The following USP29 variants were observed in gnomAD, a reference collection of about 807,000 sequenced individuals.
USP29 encodes the protein ubiquitin specific peptidase 29, also known as ubiquitin carboxyl-terminal hydrolase 29.
For synonymous variants in USP29, 386 were observed against 387.4 expected (o/e 1.00, Z 0.04); for missense variants, 1,102 against 1,069.0 (o/e 1.03, Z -0.43).
rs890955767 is a variant in USP29 at position 57,129,687 on chromosome 19, T to C, written c.1012T>C (p.Leu338=). 2 of 1,613,976 alleles carry C rather than the reference T, an allele frequency of 1.2e-6. No homozygotes were observed. Among genetic ancestry groups the C allele is most frequent in the African/African-American group, 2.7e-5 (2 of 74,922 alleles). ...TATGACCTTGACCCAGCTGCTTGCTTTGAAAGATTTCTGTAGTACAAAGAT... is the reference window on the plus strand; with the variant it reads ...TATGACCTTGACCCAGCTGCTTGCTCTGAAAGATTTCTGTAGTACAAAGAT... ...LIMTLTQLLA[L]KDFCSTKIKR... Residue 338 remains leucine (L), a synonymous_variant, in exon 4 of 4, where the codon TTG becomes CTG. Transcript: ENST00000254181.
rs773000243 is a variant in USP29, at chr19:57,130,557, C to T, written c.1882C>T (p.Leu628=). The change falls in exon 4 of 4, where the codon CTA becomes TTA. Residue 628 remains leucine (L), a synonymous_variant. Coordinates refer to ENST00000254181, the MANE Select transcript of USP29 (RefSeq NM_020903.3). ...GAGAGACCTGGAAAATGGCTCTGCA[C>T]TAGAGTCAGAATTGGTCCACTTTAG... ...HQRDLENGSA[L]ESELVHFRDR... is the part of the protein sequence containing the mutation. 6.9e-5 allele frequency: 111 copies of T among 1,614,028 alleles called. No individual in the cohort carries two copies. The highest frequency in any genetic ancestry group is 8.6e-5 in the Non-Finnish European group (102 of 1,180,038).
chr19:57,122,242 G>C (rs112129113), intron 1 of USP29, 83 bp from the exon 2 acceptor site: 1 of 152,034 alleles, frequency 6.6e-6, no homozygotes, highest in Non-Finnish European at 1.5e-5. Context: ...GGAAAAACCC[G>C]TGATATGGGT....
intron 3 of USP29, among the ~76,000 whole-genome samples, chr19:57,127,312 A>G (rs2086828843): frequency 6.6e-6 from 1 of 152,206 alleles, no homozygotes; most frequent in Non-Finnish European, 1.5e-5. Flanking sequence ...AATCCCTCTT[A>G]TCAGGATCAG....
chr19:57,127,695 G>T (rs1436698841), intron 3 of USP29, among the ~76,000 whole-genome samples: 1 of 152,182 alleles, frequency 6.6e-6, no homozygotes, highest in Non-Finnish European at 1.5e-5. Context: ...TCAAGCCAGT[G>T]GTTCTTAGCT....
chr19:57,126,738 C>T (rs1367153444), intron 3 of USP29, among the ~76,000 whole-genome samples: 1 of 152,014 alleles, frequency 6.6e-6, no homozygotes, highest in Admixed American at 6.6e-5. Context: ...TGTTATTACC[C>T]ACCTTCTGAA....
At position 57,131,380 on chromosome 19, in the gene USP29, GCA is replaced by G; in HGVS notation, c.2710_2711del (p.Gln904GlyfsTer12). ...AAAGCAGAGAACTCTCGGCTACCTAGCACACAGGCAGGGGTGATCCCTCAGGG... is the reference window on the plus strand; with the variant it reads ...AAAGCAGAGAACTCTCGGCTACCTAGCACAGGCAGGGGTGATCCCTCAGGG... On this transcript the variant is annotated frameshift_variant, in exon 4 of 4. Transcript: ENST00000254181. LOFTEE classifies it low-confidence loss of function (END_TRUNC). The G allele has an allele frequency of 6.2e-7, 1 of 1,614,140 alleles. No homozygotes were observed. The highest frequency in any genetic ancestry group is 8.5e-7 in the Non-Finnish European group (1 of 1,180,030).
At chr19:57,124,470 T>A (rs993757170) in intron 3 of USP29, among the ~76,000 whole-genome samples, 1 of 19,600 alleles carries the variant, frequency 5.1e-5, no homozygotes. Context: ...TTGTGGGGTT[T>A]TTTTTTTGGT....
At chr19:57,121,671 C>T (rs1428266347) in intron 1 of USP29, among the ~76,000 whole-genome samples, 1 of 145,864 alleles carries the variant, frequency 6.9e-6, no homozygotes, top group Admixed American at 6.9e-5. Context: ...GTTATATATA[C>T]TTACATATGT....
rs2146954740 is a variant in USP29, at chr19:57,129,856, C to T, written c.1181C>T (p.Thr394Ile). Residue 394 changes from threonine to isoleucine, a missense_variant, in exon 4 of 4, where the codon ACT becomes ATT. Transcript: ENST00000254181. ...LKEDMEKLNA[T>I]LNTGKECGDE... ...GAAGACATGGAAAAATTAAATGCCACTTTGAATACTGGGAAAGAATGTGGG... is the reference window on the plus strand; with the variant it reads ...GAAGACATGGAAAAATTAAATGCCATTTTGAATACTGGGAAAGAATGTGGG... 1 of 1,614,120 alleles carries T rather than the reference C, an allele frequency of 6.2e-7. No homozygotes were observed. Among genetic ancestry groups the T allele is most frequent in the Non-Finnish European group, 8.5e-7 (1 of 1,180,020 alleles).
chr19:57,126,673 G>A (rs1457961436), intron 3 of USP29, among the ~76,000 whole-genome samples: 1 of 151,938 alleles, frequency 6.6e-6, no homozygotes, highest in African/African-American at 2.4e-5. Flanking sequence ...CTTTTATCAA[G>A]GTTCTTAGCT....
intron 1 of USP29, among the ~76,000 whole-genome samples, chr19:57,121,534 CT>C (rs1271970249): frequency 7.1e-6 from 1 of 140,946 alleles, no homozygotes; most frequent in African/African-American, 2.6e-5. Context: ...GCTATATATA[CT>C]TATATATGCT....
intron 3 of USP29, among the ~76,000 whole-genome samples, chr19:57,127,216 C>A (rs2086828429): frequency 6.6e-6 from 1 of 152,204 alleles, no homozygotes; most frequent in African/African-American, 2.4e-5. Context: ...GTTGGGAGTT[C>A]TTTCCCAGTT....
In USP29 at chr19:57,128,665, A is replaced by T. The variant is rs1389500294; in HGVS notation, c.-11A>T. On this transcript the variant is annotated 5_prime_UTR_variant, in exon 4 of 4. Coordinates refer to ENST00000254181, the MANE Select transcript of USP29 (RefSeq NM_020903.3). Reference sequence around the variant, plus strand: ...TGTGTGCTTTTCTTCTTTAGGTTACATAAAGAAAGGATGATATCTCTAAAG... The same window carrying T: ...TGTGTGCTTTTCTTCTTTAGGTTACTTAAAGAAAGGATGATATCTCTAAAG... 1 of 1,545,032 alleles carries T rather than the reference A, an allele frequency of 6.5e-7. No homozygotes were observed. Among genetic ancestry groups the T allele is most frequent in the East Asian group, 2.3e-5 (1 of 44,124 alleles).
At chr19:57,126,816 C>T (rs538193032) in intron 3 of USP29, among the ~76,000 whole-genome samples, 80 of 152,094 alleles carry the variant, frequency 5.3e-4, no homozygotes, top group African/African-American at 1.4e-3. Flanking sequence ...ACAGGAGTTG[C>T]GATCATTTGG....
intron 3 of USP29, among the ~76,000 whole-genome samples, chr19:57,128,416 A>G (rs2086834710): frequency 6.6e-6 from 1 of 152,138 alleles, no homozygotes; most frequent in East Asian, 1.9e-4. Flanking sequence ...GCACCTGTTC[A>G]TATCTCTGTT....
At chr19:57,120,407 T>G (rs1451364091) in intron 1 of USP29, 178 bp downstream of exon 1, 1 of 152,134 alleles carries the variant, frequency 6.6e-6, no homozygotes, top group African/African-American at 2.4e-5. Context: ...GACTTGAGCC[T>G]TGGGGATCGA....
intron 2 of USP29, among the ~76,000 whole-genome samples, chr19:57,122,900 A>G (rs1434218739): frequency 1.3e-5 from 2 of 152,146 alleles, no homozygotes; most frequent in African/African-American, 4.8e-5. Flanking sequence ...TAAAGAGGCA[A>G]TAATTTATCA....
rs778706139 is a variant in USP29, at chr19:57,128,824, T to C, written c.149T>C (p.Ile50Thr). The change falls in exon 4 of 4, where the codon ATT becomes ACT. Residue 50 changes from isoleucine to threonine, a missense_variant. Transcript: ENST00000254181. The part of the protein sequence containing the change: ...VTFKSGKFIR[I>T]FQLSNNIRSV... ...TTCAAATCTGGAAAATTTATAAGAA[T>C]TTTTCAGCTGAGCAACAACATTAGA... 2 of 1,614,050 alleles carry C rather than the reference T, an allele frequency of 1.2e-6. No homozygotes were observed. The highest frequency in any genetic ancestry group is 2.2e-5 in the South Asian group (2 of 91,074).
Position 57,129,652 on chromosome 19 carries a change from A to G in USP29, c.977A>G (p.Glu326Gly), listed in dbSNP as rs749410316. ...GTCCCATGGGAATATATTCCCTTTG[A>G]GGCTCTTATTATGACCTTGACCCAG... is the stretch of plus-strand genomic sequence containing the variant. ...QGVPWEYIPF[E>G]ALIMTLTQLL... Residue 326 changes from glutamate (E) to glycine (G), a missense_variant, in exon 4 of 4, where the codon GAG (glutamate) becomes GGG (glycine). Transcript: ENST00000254181. The G allele has an allele frequency of 4.3e-6, 7 of 1,614,202 alleles. No homozygotes were observed. Among genetic ancestry groups the G allele is most frequent in the Non-Finnish European group, 5.9e-6 (7 of 1,180,044 alleles).
Sources: allele counts gnomAD v4.1 joint callset (sites outside exome capture counted in the v4.1 genomes callset), GRCh38; gene constraint gnomAD v4.1.1; transcripts MANE v1.5; gene names NCBI Gene and HGNC (gene_info 2026-07-23, HGNC 2026-07-21).